The following TUSC3 variants were observed in gnomAD, a reference collection of about 807,000 sequenced individuals.
TUSC3 encodes the protein dolichyl-diphosphooligosaccharide--protein glycosyltransferase subunit TUSC3.
Under a neutral mutation model 44.8 loss-of-function variants are expected in TUSC3, and 45 were observed. The observed-to-expected ratio is 1.00, with a 90% CI of 0.79 to 1.29. The LOEUF (loss-of-function observed/expected upper bound fraction) is 1.29. TUSC3 is among the 50% of genes most tolerant of loss of function. The probability of loss-of-function intolerance (pLI) is 0.00; values close to 1 mark genes in which losing one functional copy is unlikely to be tolerated. For missense variants in TUSC3, 519 were observed against 437.9 expected (o/e 1.19, Z -1.65); for synonymous variants, 212 against 152.9 (o/e 1.39, Z -2.85).
At chr8:15,428,388 G>A (rs1799832059) in intron 1 of TUSC3, among the ~76,000 whole-genome samples, 2 of 151,736 alleles carry the variant, frequency 1.3e-5, no homozygotes, top group South Asian at 4.2e-4. Context: ...ATTTGGGTTG[G>A]TTCCAAGTCT....
chr8:15,424,821 G>C (rs1251739122), intron 1 of TUSC3, among the ~76,000 whole-genome samples: 2 of 151,958 alleles, frequency 1.3e-5, no homozygotes, highest in African/African-American at 4.8e-5. Context: ...AGAGGTTGCA[G>C]TGAGCCGAGG....
chr8:15,457,805 ATAAT>A (rs1585052698), intron 1 of TUSC3, among the ~76,000 whole-genome samples: 1 of 100,528 alleles, frequency 9.9e-6, no homozygotes, highest in Admixed American at 1.3e-4. Flanking sequence ...CTAAAATAAA[ATAAT>A]TTATTAGATA....
chr8:15,448,019 A>G (rs530893737), intron 1 of TUSC3, among the ~76,000 whole-genome samples: 1 of 150,706 alleles, frequency 6.6e-6, no homozygotes, highest in African/African-American at 2.4e-5. Context: ...ATCAATAGCC[A>G]GGCATAATTA....
intron 6 of TUSC3, among the ~76,000 whole-genome samples, chr8:15,696,281 C>T (rs572156952): frequency 1.3e-5 from 2 of 152,242 alleles, no homozygotes; most frequent in South Asian, 2.1e-4. Context: ...AGGTACAGCT[C>T]GGGATGTGGA....
intron 6 of TUSC3, among the ~76,000 whole-genome samples, chr8:15,719,752 C>T (rs1810223065): frequency 6.6e-6 from 1 of 152,058 alleles, no homozygotes; most frequent in African/African-American, 2.4e-5. Flanking sequence ...AGTAGAGATC[C>T]TTCCATCCCC....
At chr8:15,798,310 T>A in the TUSC3 span, among the ~76,000 whole-genome samples, 1 of 152,192 alleles carries the variant, frequency 6.6e-6, no homozygotes, top group Non-Finnish European at 1.5e-5. Context: ...CCATTTTCTT[T>A]CACGGGTCTG....
intron 6 of TUSC3, among the ~76,000 whole-genome samples, chr8:15,728,025 C>T (rs1009884935): frequency 1.3e-5 from 2 of 152,146 alleles, no homozygotes; most frequent in Non-Finnish European, 2.9e-5. Flanking sequence ...TGTTATAGAT[C>T]AGTTTCATGA....
chr8:15,562,617 A>G (rs12547525), intron 1 of TUSC3, among the ~76,000 whole-genome samples: 122,435 of 151,998 alleles, frequency 0.81, 49,940 homozygotes, highest in Non-Finnish European at 0.87. Context: ...TTCTTTTCTG[A>G]ATCTCTGGGT....
intron 1 of TUSC3, among the ~76,000 whole-genome samples, chr8:15,477,119 G>A (rs569880525): frequency 6.6e-6 from 1 of 152,294 alleles, no homozygotes; most frequent in East Asian, 1.9e-4. Context: ...TGTTACTTAG[G>A]TGTGGAAAGT....
At chr8:15,803,747 C>T in the TUSC3 span, among the ~76,000 whole-genome samples, 5 of 152,018 alleles carry the variant, frequency 3.3e-5, no homozygotes, top group African/African-American at 1.2e-4. Context: ...GTGGTGTTCC[C>T]CTCCCTGTGT....
chr8:15,474,976 A>C (rs1800555250), intron 1 of TUSC3, among the ~76,000 whole-genome samples: 1 of 152,150 alleles, frequency 6.6e-6, no homozygotes. Flanking sequence ...ACACTTGCAG[A>C]TGAAAAGATT....
chr8:15,439,834 T>C (rs1159079014), intron 1 of TUSC3, among the ~76,000 whole-genome samples: 4 of 152,224 alleles, frequency 2.6e-5, no homozygotes, highest in African/African-American at 9.6e-5. Context: ...TACAAATCTG[T>C]CTACTCCAAG....
chr8:15,842,770 T>C, the TUSC3 span, among the ~76,000 whole-genome samples: 1 of 152,196 alleles, frequency 6.6e-6, no homozygotes, highest in Non-Finnish European at 1.5e-5. Flanking sequence ...GTATTGACAA[T>C]TCTTTGAAAC....
At chr8:15,539,773 G>C (rs901769796), upstream of TUSC3, among the ~76,000 whole-genome samples, 9 of 152,164 alleles carry the variant, frequency 5.9e-5, no homozygotes, top group African/African-American at 1.7e-4. Context: ...ATGAGTCATT[G>C]AATGAAGTGG....
At chr8:15,850,580 T>C in the TUSC3 span, among the ~76,000 whole-genome samples, 1 of 152,172 alleles carries the variant, frequency 6.6e-6, no homozygotes, top group Admixed American at 6.6e-5. Flanking sequence ...TTCCCCTATT[T>C]GTATTCAGTA....
At chr8:15,441,411 A>C (rs1800019283) in intron 1 of TUSC3, among the ~76,000 whole-genome samples, 1 of 151,716 alleles carries the variant, frequency 6.6e-6, no homozygotes, top group Non-Finnish European at 1.5e-5. Flanking sequence ...TCTCAAAAAA[A>C]TTAAGTAAGT....
chr8:15,840,826 A>T, the TUSC3 span, among the ~76,000 whole-genome samples: 2 of 152,198 alleles, frequency 1.3e-5, no homozygotes, highest in Non-Finnish European at 2.9e-5. Flanking sequence ...AGTGAGAAAT[A>T]AAAATTTATG....
intron 1 of TUSC3, among the ~76,000 whole-genome samples, chr8:15,461,490 T>A (rs188806855): frequency 6.6e-6 from 1 of 152,126 alleles, no homozygotes; most frequent in Non-Finnish European, 1.5e-5. Flanking sequence ...CAGTGAGGGT[T>A]TGACTTCCTC....
At chr8:15,465,499 AT>A in intron 1 of TUSC3, among the ~76,000 whole-genome samples, 1 of 152,336 alleles carries the variant, frequency 6.6e-6, no homozygotes, top group Non-Finnish European at 1.5e-5. Flanking sequence ...AACATTATTG[AT>A]TTTAAAAAAT....
Sources: allele counts gnomAD v4.1 joint callset (sites outside exome capture counted in the v4.1 genomes callset), GRCh38; gene constraint gnomAD v4.1.1; transcripts MANE v1.5; gene names NCBI Gene and HGNC (gene_info 2026-07-23, HGNC 2026-07-21).